The following SPOCK1 variants were observed in gnomAD, a reference collection of about 807,000 sequenced individuals.
SPOCK1 encodes SPARC (osteonectin), cwcv and kazal like domains proteoglycan 1.
In SPOCK1, 23 loss-of-function variants were observed where a neutral mutation model predicts 55.3. The observed-to-expected ratio is 0.42, with a 90% CI of 0.30 to 0.59. The LOEUF (loss-of-function observed/expected upper bound fraction) is 0.59. SPOCK1 is among the 20% of genes least tolerant of loss of function. SPOCK1 has a pLI of 0.22. For missense variants in SPOCK1, 499 were observed against 552.5 expected, an observed-to-expected ratio of 0.90 and a Z score of 0.97; for synonymous variants, 226 against 221.0, an observed-to-expected ratio of 1.02 and a Z score of -0.20.
intron 3 of SPOCK1, among the ~76,000 whole-genome samples, chr5:137,157,638 T>C (rs1754443499): frequency 6.6e-6 from 1 of 152,208 alleles, no homozygotes; most frequent in African/African-American, 2.4e-5. Flanking sequence ...TCCATAGAGT[T>C]TTCTGTTAAT....
chr5:137,026,900 T>G (rs560435081), intron 6 of SPOCK1, among the ~76,000 whole-genome samples: 2 of 152,250 alleles, frequency 1.3e-5, no homozygotes, highest in African/African-American at 4.8e-5. Context: ...ATATCTATTA[T>G]GTTCCAGGCC....
At chr5:137,379,223 G>A (rs917564092) in intron 2 of SPOCK1, among the ~76,000 whole-genome samples, 1 of 123,922 alleles carries the variant, frequency 8.1e-6, no homozygotes, top group Non-Finnish European at 1.7e-5. Context: ...CCCCCTCCTT[G>A]GCCCTGCATG....
At chr5:136,987,848 C>T (rs1750873144) in intron 8 of SPOCK1, among the ~76,000 whole-genome samples, 1 of 152,200 alleles carries the variant, frequency 6.6e-6, no homozygotes. Flanking sequence ...GCTTCCTGTC[C>T]TTAATCTGAA....
intron 3 of SPOCK1, among the ~76,000 whole-genome samples, chr5:137,199,151 G>A (rs1755361175): frequency 6.6e-6 from 1 of 152,158 alleles, no homozygotes; most frequent in Admixed American, 6.5e-5. Context: ...TGAGTCAGTG[G>A]ATTCTGTCAC....
At chr5:137,479,064 C>T (rs902669169) in intron 2 of SPOCK1, among the ~76,000 whole-genome samples, 16 of 151,520 alleles carry the variant, frequency 1.1e-4, no homozygotes, top group African/African-American at 3.6e-4. Flanking sequence ...GTTTTCCCAC[C>T]GAGGTGTGTT....
At chr5:137,299,244 T>G (rs1242017010) in intron 2 of SPOCK1, among the ~76,000 whole-genome samples, 1 of 152,124 alleles carries the variant, frequency 6.6e-6, no homozygotes, top group Non-Finnish European at 1.5e-5. Flanking sequence ...AATCATTCTA[T>G]TTATCCCCTC....
intron 2 of SPOCK1, among the ~76,000 whole-genome samples, chr5:137,275,649 C>T (rs1757051351): frequency 6.6e-6 from 1 of 152,212 alleles, no homozygotes; most frequent in Non-Finnish European, 1.5e-5. Context: ...CCATGGAGAG[C>T]AAACCAGGTA....
At chr5:137,405,575 G>A (rs1329972548) in intron 2 of SPOCK1, among the ~76,000 whole-genome samples, 1 of 152,068 alleles carries the variant, frequency 6.6e-6, no homozygotes, top group Non-Finnish European at 1.5e-5. Flanking sequence ...ATCCCTACTG[G>A]GCCATAGAGG....
chr5:137,482,663 G>A (rs1753973425), intron 2 of SPOCK1, among the ~76,000 whole-genome samples: 1 of 152,116 alleles, frequency 6.6e-6, no homozygotes, highest in Non-Finnish European at 1.5e-5. Flanking sequence ...CAGGGGACCG[G>A]GTCATTAAAA....
intron 2 of SPOCK1, among the ~76,000 whole-genome samples, chr5:137,431,166 T>C (rs754354642): frequency 4.6e-5 from 7 of 152,234 alleles, no homozygotes; most frequent in South Asian, 2.1e-4. Context: ...ACAGCAGCTA[T>C]AGCCCTTCAG....
At chr5:137,355,422 C>A (rs1750771645) in intron 2 of SPOCK1, among the ~76,000 whole-genome samples, 2 of 152,138 alleles carry the variant, frequency 1.3e-5, no homozygotes, top group African/African-American at 4.8e-5. Flanking sequence ...CACTTGGCCT[C>A]AAGTGATCCT....
At chr5:137,135,554 C>T (rs1263812117) in intron 4 of SPOCK1, among the ~76,000 whole-genome samples, 2 of 152,188 alleles carry the variant, frequency 1.3e-5, no homozygotes, top group African/African-American at 4.8e-5. Context: ...CCAATGGGAT[C>T]CTGGGCATCT....
chr5:137,162,246 T>A (rs1377664351), intron 3 of SPOCK1, among the ~76,000 whole-genome samples: 1 of 151,498 alleles, frequency 6.6e-6, no homozygotes, highest in Non-Finnish European at 1.5e-5. Context: ...CAAGCAATTC[T>A]CCTGCCTCAT....
At chr5:137,208,999 A>C (rs1473666672) in intron 3 of SPOCK1, among the ~76,000 whole-genome samples, 1 of 152,234 alleles carries the variant, frequency 6.6e-6, no homozygotes. Flanking sequence ...AACAATCACC[A>C]ATCAGCAAGT....
chr5:137,278,707 A>T (rs941900270), intron 2 of SPOCK1, among the ~76,000 whole-genome samples: 1 of 152,212 alleles, frequency 6.6e-6, no homozygotes, highest in African/African-American at 2.4e-5. Context: ...TGACAGAAAG[A>T]TGCCTGATAG....
chr5:137,331,599 A>C (rs1007836272), intron 2 of SPOCK1, among the ~76,000 whole-genome samples: 1 of 152,176 alleles, frequency 6.6e-6, no homozygotes, highest in Non-Finnish European at 1.5e-5. Context: ...TTATTCATGA[A>C]GGAAGATGAG....
At chr5:137,104,695 G>T (rs1175564193) in intron 5 of SPOCK1, among the ~76,000 whole-genome samples, 1 of 152,174 alleles carries the variant, frequency 6.6e-6, no homozygotes, top group Non-Finnish European at 1.5e-5. Flanking sequence ...GATCTAGGTT[G>T]CATGCTCTTT....
chr5:137,105,570 C>T (rs1390894919), intron 5 of SPOCK1, among the ~76,000 whole-genome samples: 1 of 152,114 alleles, frequency 6.6e-6, no homozygotes, highest in East Asian at 1.9e-4. Context: ...TAGGCAATGT[C>T]GGCCAATACA....
intron 2 of SPOCK1, among the ~76,000 whole-genome samples, chr5:137,293,578 G>GC (rs35099390): frequency 0.52 from 78,620 of 151,886 alleles, 20,952 homozygotes; most frequent in African/African-American, 0.64. Context: ...ATCCCACCTT[G>GC]CCCCTCCCCA....
Sources: gnomAD v4.1 joint callset for allele counts (sites outside exome capture counted in the v4.1 genomes callset) on GRCh38, gnomAD v4.1.1 for gene constraint, MANE v1.5 for transcripts, NCBI Gene and HGNC (gene_info 2026-07-23, HGNC 2026-07-21) for gene names.